Variants in C12orf54 observed in about 807,000 individuals in gnomAD.
C12orf54 encodes uncharacterized protein C12orf54.
A neutral mutation model predicts 26.4 loss-of-function variants in C12orf54; 24 were observed. That is an observed-to-expected ratio of 0.91 (90% confidence interval 0.66 to 1.28). The LOEUF (loss-of-function observed/expected upper bound fraction) is 1.28. C12orf54 is among the 50% of genes most tolerant of loss of function. C12orf54 has a pLI of 0.00. For synonymous variants in C12orf54, 54 were observed against 47.0 expected, an observed-to-expected ratio of 1.15 and a Z score of -0.61; for missense variants, 154 against 150.9, an observed-to-expected ratio of 1.02 and a Z score of -0.11.
At chr12:48,422,853 T>C in the C12orf54 span, among the ~76,000 whole-genome samples, 1 of 152,196 alleles carries the variant, frequency 6.6e-6, no homozygotes, top group East Asian at 1.9e-4. Flanking sequence ...AATAAATTCT[T>C]GAGAATAGAC....
chr12:48,449,428 G>C, the C12orf54 span, among the ~76,000 whole-genome samples: 2 of 152,156 alleles, frequency 1.3e-5, no homozygotes, highest in African/African-American at 4.8e-5. Context: ...AAGTTGGAAA[G>C]TAAGTCACTA....
chr12:48,452,673 C>T, the C12orf54 span, among the ~76,000 whole-genome samples: 3 of 152,034 alleles, frequency 2.0e-5, no homozygotes, highest in Non-Finnish European at 4.4e-5. Flanking sequence ...ACAAACAACT[C>T]CATTAAAAAG....
the C12orf54 span, among the ~76,000 whole-genome samples, chr12:48,463,113 T>C: frequency 6.6e-6 from 1 of 151,764 alleles, no homozygotes; most frequent in Admixed American, 6.6e-5. Context: ...AAACTTAAAA[T>C]TAAAAGGGAA....
At chr12:48,469,751 G>T in the C12orf54 span, among the ~76,000 whole-genome samples, 1 of 152,132 alleles carries the variant, frequency 6.6e-6, no homozygotes, top group Admixed American at 6.5e-5. Flanking sequence ...GTATTAATTT[G>T]GGGAACTAAC....
At chr12:48,485,774 G>A (rs1308862102) in intron 2 of C12orf54, among the ~76,000 whole-genome samples, 1 of 152,076 alleles carries the variant, frequency 6.6e-6, no homozygotes, top group Non-Finnish European at 1.5e-5. Flanking sequence ...ACTTTTTCGG[G>A]GGATAAAAAA....
chr12:48,481,338 G>A (rs1954196141), upstream of C12orf54, among the ~76,000 whole-genome samples: 1 of 152,100 alleles, frequency 6.6e-6, no homozygotes, highest in Non-Finnish European at 1.5e-5. Context: ...GATAAAGGGA[G>A]GAGCTTAGAC....
At chr12:48,431,617 A>G in the C12orf54 span, among the ~76,000 whole-genome samples, 2 of 152,252 alleles carry the variant, frequency 1.3e-5, no homozygotes, top group Non-Finnish European at 2.9e-5. Context: ...TTTCTCAACA[A>G]GACAAGAAAT....
chr12:48,483,324 GAAC>G lies in C12orf54; in HGVS notation c.31_33del (p.Gln11del), dbSNP rs1469549629. The G allele has an allele frequency of 5.0e-6, 8 of 1,613,974 alleles. No individual in the cohort carries two copies. In the South Asian group the frequency reaches 7.7e-5, roughly 16 times the overall value. On this transcript the variant is annotated inframe_deletion, in exon 2 of 9. Transcript: ENST00000548364. Reference sequence around the variant, plus strand: ...GGCACAGCATCCCTGCCAGGATCAGGAACAAAAGGTAGAAATGACCTCCAAGCA... The same window carrying G: ...GGCACAGCATCCCTGCCAGGATCAGGAAAAGGTAGAAATGACCTCCAAGCA...
chr12:48,475,253 C>T, the C12orf54 span, among the ~76,000 whole-genome samples: 12 of 152,090 alleles, frequency 7.9e-5, no homozygotes, highest in Admixed American at 2.0e-4. Context: ...CTGTATGTCA[C>T]CATCATCAAA....
At chr12:48,471,376 T>G in the C12orf54 span, among the ~76,000 whole-genome samples, 1 of 152,206 alleles carries the variant, frequency 6.6e-6, no homozygotes, top group South Asian at 2.1e-4. Flanking sequence ...TTCCAAATCT[T>G]AGTAAACAGT....
chr12:48,457,477 G>A, the C12orf54 span, among the ~76,000 whole-genome samples: 3 of 152,006 alleles, frequency 2.0e-5, no homozygotes, highest in Non-Finnish European at 4.4e-5. Context: ...GGGATTACAG[G>A]TGTCTGCCAC....
chr12:48,476,800 G>C, the C12orf54 span, among the ~76,000 whole-genome samples: 1 of 152,204 alleles, frequency 6.6e-6, no homozygotes, highest in African/African-American at 2.4e-5. Flanking sequence ...AATAATGGGA[G>C]ATGGTAACAC....
the C12orf54 span, among the ~76,000 whole-genome samples, chr12:48,438,886 A>G: frequency 6.6e-6 from 1 of 152,190 alleles, no homozygotes; most frequent in African/African-American, 2.4e-5. Flanking sequence ...AATGGCAACA[A>G]AAGCCCAAAA....
the C12orf54 span, among the ~76,000 whole-genome samples, chr12:48,418,247 T>C: frequency 2.0e-5 from 3 of 152,162 alleles, no homozygotes; most frequent in Non-Finnish European, 4.4e-5. Flanking sequence ...GCAGGAATTG[T>C]AGTGTCTGGA....
chr12:48,454,935 G>A, the C12orf54 span, among the ~76,000 whole-genome samples: 2 of 152,140 alleles, frequency 1.3e-5, no homozygotes, highest in South Asian at 4.1e-4. Flanking sequence ...TCAAATCATA[G>A]GGGCTTCCTT....
chr12:48,471,198 T>C, the C12orf54 span, among the ~76,000 whole-genome samples: 1 of 152,090 alleles, frequency 6.6e-6, no homozygotes, highest in Admixed American at 6.6e-5. Context: ...ACATGCAATG[T>C]TTGTCTTTCT....
At chr12:48,493,039 A>G (rs1341102840) in intron 7 of C12orf54, 44 bp downstream of exon 7, 1 of 1,541,222 alleles carries the variant, frequency 6.5e-7, no homozygotes, top group Non-Finnish European at 9.0e-7. Flanking sequence ...GATGGCACCC[A>G]CCTGGATATG....
chr12:48,471,684 TC>T, the C12orf54 span, among the ~76,000 whole-genome samples: 1 of 152,232 alleles, frequency 6.6e-6, no homozygotes, highest in South Asian at 2.1e-4. Context: ...AAGTTTCTAT[TC>T]TGTTCCATTT....
At chr12:48,473,070 T>C in the C12orf54 span, 1 of 1,614,050 alleles carries the variant, frequency 6.2e-7, no homozygotes, top group Admixed American at 1.7e-5. Flanking sequence ...AGAAAAGATG[T>C]TCAAGCTCCT....
Sources: gnomAD v4.1 joint callset for allele counts (sites outside exome capture counted in the v4.1 genomes callset) on GRCh38, gnomAD v4.1.1 for gene constraint, MANE v1.5 for transcripts, NCBI Gene and HGNC (gene_info 2026-07-23, HGNC 2026-07-21) for gene names.